The following SLC10A7 variants were observed in gnomAD, a reference collection of about 807,000 sequenced individuals.
SLC10A7 encodes solute carrier family 10 member 7, also known as sodium/bile acid cotransporter 7.
SLC10A7 carries 29 observed loss-of-function variants against 43.2 expected under a neutral mutation model. The ratio of observed to expected loss-of-function variants is 0.67; its 90% CI spans 0.50 to 0.92. SLC10A7 has a LOEUF of 0.92. Ranked by LOEUF, SLC10A7 falls within the 40% of genes least tolerant of loss-of-function variation. SLC10A7 has a pLI of 0.00. For synonymous variants in SLC10A7, 152 were observed against 144.8 expected, an observed-to-expected ratio of 1.05 and a Z score of -0.35; for missense variants, 295 against 403.2, an observed-to-expected ratio of 0.73 and a Z score of 2.30.
intron 5 of SLC10A7, among the ~76,000 whole-genome samples, chr4:146,378,972 C>T (rs1737408147): frequency 6.6e-6 from 1 of 152,068 alleles, no homozygotes; most frequent in Non-Finnish European, 1.5e-5. Flanking sequence ...ATAATATACC[C>T]TTTCCAGGCC....
At chr4:146,297,908 G>A (rs1445430184) in intron 7 of SLC10A7, among the ~76,000 whole-genome samples, 1 of 152,136 alleles carries the variant, frequency 6.6e-6, no homozygotes. Flanking sequence ...ATTCTCATGA[G>A]AAAGGTCACA....
At chr4:146,258,622 G>A in intron 11 of SLC10A7, 70 bp downstream of exon 11, 1 of 1,467,186 alleles carries the variant, frequency 6.8e-7, no homozygotes, top group South Asian at 1.4e-5. Flanking sequence ...GAAAGTGTAT[G>A]AACAGTTCAG....
At chr4:146,424,415 C>T (rs1477749913) in intron 5 of SLC10A7, among the ~76,000 whole-genome samples, 9 of 152,120 alleles carry the variant, frequency 5.9e-5, no homozygotes. Flanking sequence ...AATCCCAGCA[C>T]TTTAGGAAGC....
At chr4:146,271,909 T>C (rs1342520445) in intron 10 of SLC10A7, among the ~76,000 whole-genome samples, 1 of 152,172 alleles carries the variant, frequency 6.6e-6, no homozygotes, top group Non-Finnish European at 1.5e-5. Flanking sequence ...TGACCCAATG[T>C]GCCCTTTAAG....
At chr4:146,455,275 T>G (rs989358130) in intron 4 of SLC10A7, among the ~76,000 whole-genome samples, 1 of 151,850 alleles carries the variant, frequency 6.6e-6, no homozygotes, top group Non-Finnish European at 1.5e-5. Flanking sequence ...AATGGGCTTT[T>G]CCAATATCTC....
chr4:146,442,749 G>A (rs1285148962), intron 5 of SLC10A7, 34 bp downstream of exon 5: 1 of 1,598,764 alleles, frequency 6.3e-7, no homozygotes, highest in African/African-American at 1.4e-5. Flanking sequence ...CACAGCAAAA[G>A]TTGTAATAGA....
chr4:146,446,198 C>G (rs1448620713), intron 4 of SLC10A7, among the ~76,000 whole-genome samples: 1 of 152,108 alleles, frequency 6.6e-6, no homozygotes, highest in East Asian at 1.9e-4. Context: ...ACACACATAT[C>G]TACACTTACA....
chr4:146,293,625 T>C (rs1730587673), intron 8 of SLC10A7, among the ~76,000 whole-genome samples: 2 of 152,154 alleles, frequency 1.3e-5, no homozygotes, highest in African/African-American at 2.4e-5. Flanking sequence ...ATAAACTAAA[T>C]TGGTGACACA....
At chr4:146,468,473 A>ATTTTTTTTTTTTTTTTTTTTTTTTTTT (rs368637891) in intron 4 of SLC10A7, among the ~76,000 whole-genome samples, 2 of 143,582 alleles carry the variant, frequency 1.4e-5, no homozygotes, top group East Asian at 4.2e-4. Flanking sequence ...TTATATTTTA[A>ATTTTTTTTTTTTTTTTTTTTTTTTTTT]TTTTTTTTTT....
chr4:146,471,974 C>T (rs983001824), intron 4 of SLC10A7, among the ~76,000 whole-genome samples: 1 of 152,084 alleles, frequency 6.6e-6, no homozygotes, highest in African/African-American at 2.4e-5. Flanking sequence ...TTCCTGTTCT[C>T]CATACCCCCC....
intron 5 of SLC10A7, among the ~76,000 whole-genome samples, chr4:146,391,212 C>T (rs889141318): frequency 6.6e-6 from 1 of 152,296 alleles, no homozygotes; most frequent in African/African-American, 2.4e-5. Context: ...ATTTGTTCAT[C>T]TTTCTTACAG....
chr4:146,371,463 T>C (rs1271959342), intron 5 of SLC10A7, among the ~76,000 whole-genome samples: 1 of 152,202 alleles, frequency 6.6e-6, no homozygotes, highest in Non-Finnish European at 1.5e-5. Context: ...ATGCTGGGCC[T>C]TGTGGAACAA....
At chr4:146,387,107 A>G (rs1254889647) in intron 5 of SLC10A7, among the ~76,000 whole-genome samples, 1 of 152,160 alleles carries the variant, frequency 6.6e-6, no homozygotes, top group Non-Finnish European at 1.5e-5. Flanking sequence ...TGGAGGTGGG[A>G]CTTTTGGAAG....
intron 5 of SLC10A7, among the ~76,000 whole-genome samples, chr4:146,351,251 C>G (rs1453633016): frequency 2.7e-5 from 4 of 149,256 alleles, no homozygotes; most frequent in African/African-American, 1.0e-4. Flanking sequence ...GCCTCAGGAG[C>G]TGATACGATC....
chr4:146,283,295 C>G (rs1290404507), intron 9 of SLC10A7, 30 bp from the exon 10 acceptor site: 1 of 1,594,508 alleles, frequency 6.3e-7, no homozygotes, highest in Non-Finnish European at 8.6e-7. Context: ...TTGACAAATA[C>G]TTTTATAAAA....
At chr4:146,518,302 T>A (rs539414802) in intron 1 of SLC10A7, among the ~76,000 whole-genome samples, 11 of 152,284 alleles carry the variant, frequency 7.2e-5, no homozygotes, top group African/African-American at 2.4e-4. Flanking sequence ...TTTGAAAATG[T>A]TTAGAAATGT....
intron 6 of SLC10A7, among the ~76,000 whole-genome samples, chr4:146,313,361 G>T (rs746814647): frequency 1.3e-5 from 2 of 152,160 alleles, no homozygotes; most frequent in African/African-American, 2.4e-5. Context: ...GTTTATCAAT[G>T]TCACCTCTTT....
chr4:146,430,101 C>T (rs1156473141), intron 5 of SLC10A7, among the ~76,000 whole-genome samples: 2 of 148,642 alleles, frequency 1.3e-5, no homozygotes, highest in Non-Finnish European at 2.9e-5. Context: ...AGATAGGATA[C>T]AAAATGCCTG....
chr4:146,353,171 T>C (rs1735270735), intron 5 of SLC10A7, among the ~76,000 whole-genome samples: 1 of 108,624 alleles, frequency 9.2e-6, no homozygotes, highest in East Asian at 3.1e-4. Flanking sequence ...GAGAGAAGAA[T>C]CAAATAGACA....
Sources: allele counts gnomAD v4.1 joint callset (sites outside exome capture counted in the v4.1 genomes callset), GRCh38; gene constraint gnomAD v4.1.1; transcripts MANE v1.5; gene names NCBI Gene and HGNC (gene_info 2026-07-23, HGNC 2026-07-21).